Variants in ARHGAP6 observed in about 807,000 individuals in gnomAD.
ARHGAP6 encodes Rho GTPase activating protein 6, also known as rho GTPase-activating protein 6.
A neutral mutation model predicts 55.7 loss-of-function variants in ARHGAP6; 16 were observed. The ratio of observed to expected loss-of-function variants is 0.29; its 90% CI spans 0.19 to 0.44. ARHGAP6 has a LOEUF of 0.44. Among genes scored for constraint, ARHGAP6 ranks in the 20% least tolerant of loss-of-function variants. ARHGAP6 has a pLI of 1.00. For missense variants in ARHGAP6, 698 were observed against 808.9 expected (o/e 0.86, Z 1.66); for synonymous variants, 382 against 360.9 (o/e 1.06, Z -0.66).
chrX:11,407,161 C>T (rs1305286855), intron 1 of ARHGAP6, among the ~76,000 whole-genome samples: 2 of 111,146 alleles, frequency 1.8e-5, no homozygotes, highest in Admixed American at 1.9e-4. Flanking sequence ...TATCCCACCC[C>T]CAGCCCTAGG....
intron 1 of ARHGAP6, among the ~76,000 whole-genome samples, chrX:11,549,873 A>T (rs186180141): frequency 8.9e-6 from 1 of 112,853 alleles, no homozygotes; most frequent in East Asian, 2.8e-4. Flanking sequence ...AAGGTAAAGC[A>T]TATTAAAACA....
At chrX:11,282,929 T>G (rs954163438) in intron 1 of ARHGAP6, among the ~76,000 whole-genome samples, 1 of 112,551 alleles carries the variant, frequency 8.9e-6, no homozygotes, top group Non-Finnish European at 1.9e-5. Context: ...CCTTATCTTG[T>G]GCAGTTTTGT....
chrX:11,465,931 CTCCTCCTCCTCT>C (rs113953132), intron 1 of ARHGAP6, among the ~76,000 whole-genome samples: 12,007 of 109,500 alleles, frequency 0.11, 689 homozygotes, highest in Admixed American at 0.19. Flanking sequence ...ATGTCTCCTC[CTCCTCCTCCTCT>C]TCCTCCTCCT....
chrX:11,225,510 AGTG>A (rs1180952366), intron 2 of ARHGAP6, among the ~76,000 whole-genome samples: 1 of 110,723 alleles, frequency 9.0e-6, no homozygotes, highest in East Asian at 2.8e-4. Context: ...TTAGCATATG[AGTG>A]GTGAACACAA....
intron 1 of ARHGAP6, among the ~76,000 whole-genome samples, chrX:11,621,027 A>C (rs977989603): frequency 8.9e-6 from 1 of 112,006 alleles, no homozygotes; most frequent in African/African-American, 3.2e-5. Context: ...GCATTATTTT[A>C]CTATAGGGCA....
At chrX:11,189,583 A>C (rs2046427972) in intron 3 of ARHGAP6, among the ~76,000 whole-genome samples, 1 of 111,639 alleles carries the variant, frequency 9.0e-6, no homozygotes, top group South Asian at 3.8e-4. Context: ...TCATCCCTAC[A>C]TTCTATTTCC....
intron 1 of ARHGAP6, among the ~76,000 whole-genome samples, chrX:11,647,729 T>C (rs1215488735): frequency 8.9e-6 from 1 of 112,186 alleles, no homozygotes. Context: ...AAAAGAAACA[T>C]TGTATTTTAC....
chrX:11,352,213 A>G (rs1488884151), intron 1 of ARHGAP6, among the ~76,000 whole-genome samples: 2 of 112,157 alleles, frequency 1.8e-5, no homozygotes, highest in East Asian at 5.6e-4. Flanking sequence ...TTGATGAAAT[A>G]CAAGATCAAA....
At chrX:11,308,330 T>C (rs1278098183) in intron 1 of ARHGAP6, among the ~76,000 whole-genome samples, 1 of 111,940 alleles carries the variant, frequency 8.9e-6, no homozygotes, top group East Asian at 2.8e-4. Context: ...TAAGGTTCTT[T>C]CTATGAAATC....
intron 2 of ARHGAP6, among the ~76,000 whole-genome samples, chrX:11,198,137 C>T (rs766744366): frequency 9.0e-6 from 1 of 111,564 alleles, no homozygotes; most frequent in East Asian, 2.8e-4. Context: ...TTACAGATGT[C>T]CCCCACTCCT....
At chrX:11,659,202 G>A (rs930312651) in intron 1 of ARHGAP6, among the ~76,000 whole-genome samples, 1 of 111,705 alleles carries the variant, frequency 9.0e-6, no homozygotes, top group African/African-American at 3.3e-5. Context: ...TTTATAGGAT[G>A]CATGCTTGGC....
chrX:11,387,638 G>C (rs7059826), intron 1 of ARHGAP6, among the ~76,000 whole-genome samples: 3 of 111,167 alleles, frequency 2.7e-5, no homozygotes, highest in Non-Finnish European at 3.8e-5. Flanking sequence ...GTGCCATGTT[G>C]GTGTGCTGCC....
intron 1 of ARHGAP6, among the ~76,000 whole-genome samples, chrX:11,563,082 G>GA (rs2051404578): frequency 9.0e-6 from 1 of 110,609 alleles, no homozygotes; most frequent in Non-Finnish European, 1.9e-5. Flanking sequence ...TGAGCACCTG[G>GA]AAAAAATGCA....
At chrX:11,402,744 GCT>G (rs1377835609) in intron 1 of ARHGAP6, among the ~76,000 whole-genome samples, 1 of 111,916 alleles carries the variant, frequency 8.9e-6, no homozygotes, top group Non-Finnish European at 1.9e-5. Flanking sequence ...TTCTCTCAGA[GCT>G]CTGTTACATA....
At chrX:11,174,579 T>C (rs1465094654) in intron 8 of ARHGAP6, among the ~76,000 whole-genome samples, 4 of 89,188 alleles carry the variant, frequency 4.5e-5, no homozygotes, top group Non-Finnish European at 9.2e-5. Flanking sequence ...CCTTCCTTTC[T>C]TTCTTTCTTT....
chrX:11,508,635 A>G (rs1463678376), intron 1 of ARHGAP6, among the ~76,000 whole-genome samples: 1 of 109,372 alleles, frequency 9.1e-6, no homozygotes, highest in Non-Finnish European at 1.9e-5. Flanking sequence ...CTGCCTTTGG[A>G]CCCACCCAAG....
chrX:11,571,709 AAATAATAATAAT>A (rs565943916), intron 1 of ARHGAP6, among the ~76,000 whole-genome samples: 2 of 95,784 alleles, frequency 2.1e-5, no homozygotes, highest in South Asian at 9.8e-4. Flanking sequence ...CTTGTATATT[AAATAATAATAAT>A]AATAATAATA....
chrX:11,333,678 G>T (rs1004675730), intron 1 of ARHGAP6, among the ~76,000 whole-genome samples: 1 of 112,125 alleles, frequency 8.9e-6, no homozygotes, highest in Admixed American at 9.4e-5. Flanking sequence ...AGAGGAAAAA[G>T]CACCTTTTAT....
At chrX:11,452,229 G>C (rs1205239714) in intron 1 of ARHGAP6, among the ~76,000 whole-genome samples, 8 of 112,071 alleles carry the variant, frequency 7.1e-5, no homozygotes, top group African/African-American at 2.6e-4. Flanking sequence ...CTTACTGCAA[G>C]CTCCGCCTCC....
Sources: allele counts gnomAD v4.1 joint callset (sites outside exome capture counted in the v4.1 genomes callset), GRCh38; gene constraint gnomAD v4.1.1; transcripts MANE v1.5; gene names NCBI Gene and HGNC (gene_info 2026-07-23, HGNC 2026-07-21).